MACROD2: variants seen among roughly 807,000 people sequenced by gnomAD.
MACROD2 encodes the protein mono-ADP ribosylhydrolase 2.
Under a neutral mutation model 70.4 loss-of-function variants are expected in MACROD2, and 36 were observed. The observed-to-expected ratio is 0.51, with a 90% CI of 0.39 to 0.68. The LOEUF is 0.68. Ranked by LOEUF, MACROD2 falls within the 30% of genes least tolerant of loss-of-function variation. The probability of loss-of-function intolerance (pLI) is 0.00; values close to 1 mark genes in which losing one functional copy is unlikely to be tolerated. For missense variants in MACROD2, 496 were observed against 538.4 expected (o/e 0.92, Z 0.78); for synonymous variants, 172 against 178.8 (o/e 0.96, Z 0.30).
At chr20:14,723,803 G>A (rs1199883531) in intron 5 of MACROD2, among the ~76,000 whole-genome samples, 3 of 151,828 alleles carry the variant, frequency 2.0e-5, no homozygotes, top group Non-Finnish European at 4.4e-5. Flanking sequence ...GATTGCATAC[G>A]TATGTGTTAA....
intron 8 of MACROD2, among the ~76,000 whole-genome samples, chr20:15,797,420 G>T (rs1197838124): frequency 2.6e-5 from 4 of 152,114 alleles, no homozygotes; most frequent in Non-Finnish European, 5.9e-5. Flanking sequence ...CAGCCTTGGG[G>T]TTCTATCTTT....
chr20:14,151,915 G>T (rs562298445), intron 3 of MACROD2, among the ~76,000 whole-genome samples: 1 of 143,610 alleles, frequency 7.0e-6, no homozygotes, highest in Non-Finnish European at 1.5e-5. Context: ...TCTGCCCCCC[G>T]GGTTCATGCC....
rs2073341291 is a variant in MACROD2 at position 14,862,161 on chromosome 20, A to ATATATATTATACATAAATATATATT, written c.418+177209_418+177210insTATACATAAATATATATTTATATAT. ...ATATATATTATACATAAATATATAA[A>ATATATATTATACATAAATATATATT]TATATATAAATATATATAAATATAT... On this transcript the variant is annotated intron_variant, in intron 5 of 17. Coordinates refer to ENST00000684519, the MANE Select transcript of MACROD2 (RefSeq NM_001351661.2). Among the ~76,000 whole-genome samples, 3 of 15,366 alleles carry ATATATATTATACATAAATATATATT rather than the reference A, an allele frequency of 2.0e-4. No homozygotes were observed. The South Asian group carries it at 7.0e-3, about 36-fold the overall frequency. 10.1% of individuals were successfully genotyped at this position (15,366 alleles called of 152,430 possible).
In MACROD2 at chr20:14,322,200, ATT is replaced by A. The variant is rs71190129; in HGVS notation, c.272-171276_272-171275del. Among the ~76,000 whole-genome samples the A allele has an allele frequency of 5.6e-4, 75 of 133,084 alleles. 2 individuals are homozygous for A. Among genetic ancestry groups the A allele is most frequent in the Middle Eastern group, 3.8e-3 (1 of 260 alleles). 87.3% of individuals were successfully genotyped at this position (133,084 alleles called of 152,430 possible). On this transcript the variant is annotated intron_variant, in intron 3 of 17. Coordinates refer to ENST00000684519, the MANE Select transcript of MACROD2 (RefSeq NM_001351661.2). Reference sequence around the variant, plus strand: ...AATATATATATATATATATATATATATTTTGTATTTTGCAAAGCAACTGGATT... The same window carrying A: ...AATATATATATATATATATATATATATTGTATTTTGCAAAGCAACTGGATT...
At chr20:14,224,095 T>C (rs530295357) in intron 3 of MACROD2, among the ~76,000 whole-genome samples, 4 of 148,164 alleles carry the variant, frequency 2.7e-5, no homozygotes, top group Non-Finnish European at 4.5e-5. Flanking sequence ...GCTGTTTTAC[T>C]CCAAGTCAAC....
intron 3 of MACROD2, among the ~76,000 whole-genome samples, chr20:14,269,983 C>G (rs1426271715): frequency 6.6e-6 from 1 of 152,026 alleles, no homozygotes; most frequent in African/African-American, 2.4e-5. Flanking sequence ...TTACCTACTA[C>G]TCCAAGAAAT....
intron 15 of MACROD2, among the ~76,000 whole-genome samples, chr20:16,034,873 A>G (rs371376785): frequency 6.6e-6 from 1 of 151,220 alleles, no homozygotes; most frequent in East Asian, 2.0e-4. Context: ...TTGCGTCCTC[A>G]TAGCTTAGCT....
chr20:14,732,740 C>G (rs2071614119), intron 5 of MACROD2, among the ~76,000 whole-genome samples: 1 of 152,046 alleles, frequency 6.6e-6, no homozygotes, highest in South Asian at 2.1e-4. Context: ...GTGACCTCCT[C>G]ACATTCTTCT....
intron 5 of MACROD2, among the ~76,000 whole-genome samples, chr20:14,793,431 T>C (rs1158408704): frequency 6.6e-6 from 1 of 151,932 alleles, no homozygotes; most frequent in Non-Finnish European, 1.5e-5. Flanking sequence ...TACTTCATTT[T>C]ATCTCCCCCC....
At chr20:15,584,480 T>C (rs1472271937) in intron 8 of MACROD2, among the ~76,000 whole-genome samples, 1 of 152,174 alleles carries the variant, frequency 6.6e-6, no homozygotes, top group African/African-American at 2.4e-5. Flanking sequence ...AGTGATTCCA[T>C]TGATATTACA....
chr20:15,233,804 C>A (rs1342413305), intron 6 of MACROD2, among the ~76,000 whole-genome samples: 1 of 150,704 alleles, frequency 6.6e-6, no homozygotes, highest in African/African-American at 2.4e-5. Flanking sequence ...TCCTTCTAAT[C>A]TTACCGTAAA....
At chr20:15,593,612 C>T (rs1204409991) in intron 8 of MACROD2, among the ~76,000 whole-genome samples, 1 of 152,180 alleles carries the variant, frequency 6.6e-6, no homozygotes, top group African/African-American at 2.4e-5. Context: ...CAGATCTGTG[C>T]AGACTTTGTT....
At chr20:15,014,493 G>A (rs573833561) in intron 5 of MACROD2, among the ~76,000 whole-genome samples, 2 of 152,242 alleles carry the variant, frequency 1.3e-5, no homozygotes, top group African/African-American at 4.8e-5. Context: ...TGCACTATAC[G>A]TTGGAGATGC....
intron 4 of MACROD2, among the ~76,000 whole-genome samples, chr20:14,586,398 G>A (rs1456294978): frequency 6.6e-6 from 1 of 151,960 alleles, no homozygotes; most frequent in African/African-American, 2.4e-5. Context: ...CTAATTCTAG[G>A]GTGCCATGTG....
chr20:14,497,936 A>G (rs2084872765), intron 4 of MACROD2, among the ~76,000 whole-genome samples: 1 of 151,676 alleles, frequency 6.6e-6, no homozygotes, highest in African/African-American at 2.4e-5. Flanking sequence ...ACGCGAGAAC[A>G]GAGAGGACAC....
intron 5 of MACROD2, among the ~76,000 whole-genome samples, chr20:14,848,530 T>C (rs1272788417): frequency 2.6e-5 from 4 of 152,138 alleles, no homozygotes; most frequent in Non-Finnish European, 5.9e-5. Context: ...GAAACAGATT[T>C]AGAGCAAGTG....
chr20:15,905,103 C>A (rs950584872), intron 10 of MACROD2, among the ~76,000 whole-genome samples: 1 of 152,166 alleles, frequency 6.6e-6, no homozygotes, highest in African/African-American at 2.4e-5. Context: ...CCATCATATT[C>A]ATGAAAATTG....
chr20:14,430,073 G>A (rs1183646114), intron 3 of MACROD2, among the ~76,000 whole-genome samples: 1 of 152,130 alleles, frequency 6.6e-6, no homozygotes, highest in Non-Finnish European at 1.5e-5. Context: ...CGGTTTGTTA[G>A]CGTTGGAGAA....
intron 4 of MACROD2, among the ~76,000 whole-genome samples, chr20:14,616,542 G>A (rs1211601135): frequency 6.6e-6 from 1 of 152,142 alleles, no homozygotes; most frequent in Non-Finnish European, 1.5e-5. Context: ...GGCCACCCTC[G>A]GTGATTTAAT....
Sources: allele counts gnomAD v4.1 joint callset (sites outside exome capture counted in the v4.1 genomes callset), GRCh38; gene constraint gnomAD v4.1.1; transcripts MANE v1.5; gene names NCBI Gene and HGNC (gene_info 2026-07-23, HGNC 2026-07-21).